CSMD3: variants seen among roughly 807,000 people sequenced by gnomAD.
CSMD3 encodes the protein CUB and Sushi multiple domains 3.
A neutral mutation model predicts 435.2 loss-of-function variants in CSMD3; 177 were observed. The observed-to-expected ratio is 0.41, with a 90% CI of 0.36 to 0.46. The LOEUF is 0.46. Among genes scored for constraint, CSMD3 ranks in the 20% least tolerant of loss-of-function variants. The pLI, the probability that CSMD3 is intolerant of heterozygous loss-of-function variation, is 0.34. For missense variants in CSMD3, 4,265 were observed against 4,504.6 expected, an observed-to-expected ratio of 0.95 and a Z score of 1.52; for synonymous variants, 1,656 against 1,520.5, an observed-to-expected ratio of 1.09 and a Z score of -2.07.
chr8:113,105,501 C>T (rs944693393), intron 4 of CSMD3, among the ~76,000 whole-genome samples: 3 of 151,984 alleles, frequency 2.0e-5, no homozygotes, highest in Non-Finnish European at 4.4e-5. Context: ...TTAGTGTTTG[C>T]TAAATACTAA....
chr8:113,025,469 G>C (rs1315956889), intron 5 of CSMD3, among the ~76,000 whole-genome samples: 2 of 152,126 alleles, frequency 1.3e-5, no homozygotes, highest in Non-Finnish European at 2.9e-5. Flanking sequence ...ACGCATACTT[G>C]GGTGTGATAG....
intron 32 of CSMD3, among the ~76,000 whole-genome samples, chr8:112,451,944 G>C (rs966185777): frequency 8.6e-5 from 13 of 151,946 alleles, no homozygotes; most frequent in African/African-American, 3.1e-4. Context: ...TTATTGTTTT[G>C]CTTAGATACT....
intron 28 of CSMD3, among the ~76,000 whole-genome samples, chr8:112,516,742 A>C (rs2130984465): frequency 6.6e-6 from 1 of 152,306 alleles, no homozygotes; most frequent in South Asian, 2.1e-4. Flanking sequence ...TAAGCAATGG[A>C]TAACTATGGC....
intron 3 of CSMD3, among the ~76,000 whole-genome samples, chr8:113,218,435 C>CT (rs2092930162): frequency 7.3e-6 from 1 of 137,574 alleles, no homozygotes; most frequent in African/African-American, 2.7e-5. Flanking sequence ...AATTATTTTT[C>CT]ATAATCTTTT....
intron 4 of CSMD3, among the ~76,000 whole-genome samples, chr8:113,139,246 G>GA (rs2091490028): frequency 1.3e-5 from 2 of 150,640 alleles, no homozygotes; most frequent in Admixed American, 1.3e-4. Context: ...ATATTAGAAG[G>GA]AAAAAATAAA....
chr8:113,328,735 CTTT>C (rs71281211), intron 1 of CSMD3, among the ~76,000 whole-genome samples: 776 of 57,088 alleles, frequency 0.014, 3 homozygotes, highest in Non-Finnish European at 0.018. Context: ...TCCTTCTTTT[CTTT>C]TTTTTTTTTT....
At chr8:113,311,157 A>G (rs563198283) in intron 2 of CSMD3, 151 of 152,222 alleles carry the variant, frequency 9.9e-4, no homozygotes, top group African/African-American at 2.7e-3. Flanking sequence ...AAAATAAACA[A>G]GGCTTAGAAT....
intron 9 of CSMD3, among the ~76,000 whole-genome samples, chr8:112,945,706 G>A (rs1396833961): frequency 6.7e-6 from 1 of 148,952 alleles, no homozygotes; most frequent in East Asian, 2.0e-4. Flanking sequence ...GTCCATATTA[G>A]GCTGAATGGC....
chr8:112,789,349 G>A (rs1232061398), intron 13 of CSMD3, among the ~76,000 whole-genome samples: 1 of 151,928 alleles, frequency 6.6e-6, no homozygotes, highest in Admixed American at 6.6e-5. Flanking sequence ...AAGTATGCTA[G>A]AACTCAAAAG....
chr8:112,586,916 A>C (rs1830775689), intron 23 of CSMD3, 150 bp downstream of exon 23: 2 of 456,646 alleles, frequency 4.4e-6, no homozygotes, highest in East Asian at 7.0e-5. Context: ...AATGAGAATT[A>C]ATGTATAATT....
intron 4 of CSMD3, among the ~76,000 whole-genome samples, chr8:113,121,291 G>C (rs2090977987): frequency 6.6e-6 from 1 of 152,010 alleles, no homozygotes; most frequent in South Asian, 2.1e-4. Context: ...AATACTGGTG[G>C]GGGGAGGGGG....
chr8:112,805,930 G>C (rs977175907), intron 12 of CSMD3, among the ~76,000 whole-genome samples: 3 of 152,112 alleles, frequency 2.0e-5, no homozygotes, highest in South Asian at 2.1e-4. Context: ...AGAAACTAAA[G>C]AGCAATAAAA....
At chr8:112,944,568 T>A (rs1199885830) in intron 9 of CSMD3, among the ~76,000 whole-genome samples, 1 of 151,782 alleles carries the variant, frequency 6.6e-6, no homozygotes, top group African/African-American at 2.4e-5. Context: ...CACCAAGCTG[T>A]AAACTATCTG....
chr8:112,829,941 T>C, intron 11 of CSMD3, 152 bp from the exon 12 acceptor site: 1 of 585,898 alleles, frequency 1.7e-6, no homozygotes, highest in Non-Finnish European at 3.0e-6. Flanking sequence ...AGTTCAATTA[T>C]GTATAAATAT....
At chr8:112,304,534 T>C (rs951728160) in intron 52 of CSMD3, among the ~76,000 whole-genome samples, 187 bp downstream of exon 52, 2 of 152,180 alleles carry the variant, frequency 1.3e-5, no homozygotes, top group Non-Finnish European at 2.9e-5. Flanking sequence ...GTTTTTCTAT[T>C]TGCTAGAAAA....
chr8:112,863,786 A>G (rs1009029697), intron 10 of CSMD3, among the ~76,000 whole-genome samples: 1 of 152,132 alleles, frequency 6.6e-6, no homozygotes, highest in African/African-American at 2.4e-5. Context: ...GTAAAGTAGT[A>G]CATTTGAGAA....
At chr8:113,222,688 A>T (rs2092982666) in intron 3 of CSMD3, among the ~76,000 whole-genome samples, 1 of 151,044 alleles carries the variant, frequency 6.6e-6, no homozygotes, top group African/African-American at 2.4e-5. Flanking sequence ...TTTCAAATTA[A>T]GGTTGCTTTC....
chr8:113,223,752 A>ATGTGTGTG (rs746390167), intron 3 of CSMD3, among the ~76,000 whole-genome samples: 199 of 120,928 alleles, frequency 1.6e-3, no homozygotes, highest in African/African-American at 6.8e-3. Context: ...GTGTGTGTTT[A>ATGTGTGTG]TGTGTGTGTA....
chr8:112,402,939 G>C (rs548770153), intron 35 of CSMD3, among the ~76,000 whole-genome samples: 39 of 152,050 alleles, frequency 2.6e-4, no homozygotes, highest in Non-Finnish European at 4.3e-4. Context: ...AATGTATTGT[G>C]TTGTATGTAT....
Sources: allele counts gnomAD v4.1 joint callset (sites outside exome capture counted in the v4.1 genomes callset), GRCh38; gene constraint gnomAD v4.1.1; transcripts MANE v1.5; gene names NCBI Gene and HGNC (gene_info 2026-07-23, HGNC 2026-07-21).